Variants in SPIN2A observed in about 807,000 individuals in gnomAD.
SPIN2A encodes spindlin family member 2A.
Under a neutral mutation model 9.2 loss-of-function variants are expected in SPIN2A, and 4 were observed. That is an observed-to-expected ratio of 0.44 (90% CI 0.21 to 1.00). The LOEUF (loss-of-function observed/expected upper bound fraction) is 1.00, where lower values mean the gene tolerates loss of function less well. SPIN2A is among the 50% of genes least tolerant of loss of function. The pLI is 0.26. For synonymous variants in SPIN2A, 25 were observed against 61.2 expected, an observed-to-expected ratio of 0.41 and a Z score of 2.76; for missense variants, 77 against 172.8, an observed-to-expected ratio of 0.45 and a Z score of 3.11.
chrX:57,146,531 C>T, the SPIN2A span, among the ~76,000 whole-genome samples: 3 of 111,883 alleles, frequency 2.7e-5, no homozygotes, highest in Non-Finnish European at 5.7e-5. Context: ...TTGACTTCCT[C>T]TTTACCAATA....
chrX:57,140,848 A>G, upstream of SPIN2A, among the ~76,000 whole-genome samples: 1 of 111,488 alleles, frequency 9.0e-6, no homozygotes, highest in Non-Finnish European at 1.9e-5. Context: ...GAAGAGAGGA[A>G]TGATTGAAAA....
chrX:57,134,723 C>G (rs1293426445), downstream of SPIN2A: 1 of 111,798 alleles, frequency 8.9e-6, no homozygotes, highest in Non-Finnish European at 1.9e-5. Context: ...CTAACCCATC[C>G]TCTACCAAGA....
chrX:57,147,130 G>A, the SPIN2A span, among the ~76,000 whole-genome samples: 5 of 111,612 alleles, frequency 4.5e-5, no homozygotes, highest in South Asian at 1.9e-3. Flanking sequence ...AGTGCCAATA[G>A]GATTTGTACC....
chrX:57,136,531 C>T lies in SPIN2A; in HGVS notation c.67G>A (p.Gly23Arg). The T allele has an allele frequency of 2.3e-6, 1 of 438,774 alleles. No homozygotes were observed. The highest frequency in any genetic ancestry group is 3.6e-6 in the Non-Finnish European group (1 of 281,502). 36.2% of individuals were successfully genotyped at this position (438,774 alleles called of 1,213,427 possible). ...QTRAAAGRATGSANMTKKKVS... is the reference protein window; with the variant it reads ...QTRAAAGRATRSANMTKKKVS... The stretch of plus-strand genomic sequence containing the variant: ...TTTTTCTTTGTCATGTTTGCAGACC[C>T]AGTGGCCCGTCCTGCAGCTGCCCTG... The change falls in exon 2 of 2, where the codon GGG (glycine) becomes AGG (arginine). Residue 23 changes from glycine (G) to arginine (R), a missense_variant. Coordinates refer to ENST00000374906, the MANE Select transcript of SPIN2A (RefSeq NM_019003.5).
At chrX:57,137,563 T>C (rs1927865248), upstream of SPIN2A, 1 of 119,514 alleles carries the variant, frequency 8.4e-6, no homozygotes. Context: ...TTAGTAGTGA[T>C]GTCTTCCATT....
At chrX:57,140,887 T>G (rs1307630737), upstream of SPIN2A, among the ~76,000 whole-genome samples, 1 of 111,614 alleles carries the variant, frequency 9.0e-6, no homozygotes, top group Non-Finnish European at 1.9e-5. Flanking sequence ...TGTTAGCTAT[T>G]TGGGTGATGG....
chrX:57,136,959 C>A, intron 1 of SPIN2A: 1 of 874,426 alleles, frequency 1.1e-6, no homozygotes, highest in Non-Finnish European at 1.5e-6. Flanking sequence ...TACCCTCCTG[C>A]CCTGAGTGCC....
chrX:57,137,136 C>G (rs1286776389), intron 1 of SPIN2A, 124 bp downstream of exon 1: 20 of 764,240 alleles, frequency 2.6e-5, no homozygotes, highest in Non-Finnish European at 3.1e-5. Flanking sequence ...GCGCCCAACT[C>G]CACCCCATGT....
upstream of SPIN2A, among the ~76,000 whole-genome samples, chrX:57,139,337 G>A (rs1351316249): frequency 8.9e-6 from 1 of 111,832 alleles, no homozygotes; most frequent in Non-Finnish European, 1.9e-5. Flanking sequence ...GTGTGTTCTT[G>A]GCTCCTTTTT....
At chrX:57,144,726 A>T in the SPIN2A span, among the ~76,000 whole-genome samples, 1 of 110,284 alleles carries the variant, frequency 9.1e-6, no homozygotes, top group African/African-American at 3.3e-5. Flanking sequence ...TTCTGCCTTT[A>T]TATCCTCAGA....
At chrX:57,144,193 T>A in the SPIN2A span, among the ~76,000 whole-genome samples, 1 of 111,614 alleles carries the variant, frequency 9.0e-6, no homozygotes, top group Non-Finnish European at 1.9e-5. Context: ...GTGTCAGAGG[T>A]CCTTTACATG....
upstream of SPIN2A, among the ~76,000 whole-genome samples, chrX:57,140,265 C>A (rs1341050809): frequency 9.2e-6 from 1 of 109,255 alleles, no homozygotes; most frequent in African/African-American, 3.3e-5. Context: ...AATATAAAAT[C>A]ATATTATCTG....
chrX:57,144,626 C>A, the SPIN2A span, among the ~76,000 whole-genome samples: 2 of 109,919 alleles, frequency 1.8e-5, no homozygotes, highest in African/African-American at 3.3e-5. Context: ...ATCACCCGAG[C>A]AGTTTACACT....
At chrX:57,139,580 A>C (rs1927941571), upstream of SPIN2A, among the ~76,000 whole-genome samples, 1 of 110,849 alleles carries the variant, frequency 9.0e-6, no homozygotes, top group Admixed American at 9.6e-5. Context: ...CAGCCTCCCG[A>C]GTAGCTGGAA....
upstream of SPIN2A, among the ~76,000 whole-genome samples, chrX:57,140,598 C>CAAA (rs56693403): frequency 1.7e-5 from 1 of 58,823 alleles, no homozygotes; most frequent in East Asian, 6.0e-4. Flanking sequence ...GACCCCGTCT[C>CAAA]AAAAAAAAAA....
chrX:57,139,759 G>T (rs1446629798), upstream of SPIN2A, among the ~76,000 whole-genome samples: 1 of 111,604 alleles, frequency 9.0e-6, no homozygotes, highest in East Asian at 2.8e-4. Context: ...TGTCCCCATA[G>T]GTTTATAGTA....
chrX:57,137,199 C>T (rs1927839783), intron 1 of SPIN2A, 61 bp downstream of exon 1: 72 of 758,787 alleles, frequency 9.5e-5, no homozygotes, highest in Non-Finnish European at 1.1e-4. Context: ...CCACTAATGG[C>T]CTTGCCCTGC....
chrX:57,144,942 A>G, the SPIN2A span, among the ~76,000 whole-genome samples: 1 of 110,815 alleles, frequency 9.0e-6, no homozygotes, highest in African/African-American at 3.3e-5. Context: ...ACACACACAC[A>G]CACCACAATT....
chrX:57,146,201 T>C, the SPIN2A span, among the ~76,000 whole-genome samples: 2 of 111,079 alleles, frequency 1.8e-5, no homozygotes, highest in Non-Finnish European at 3.8e-5. Context: ...TCCATGAGGA[T>C]GGGATGTATT....
Sources: gnomAD v4.1 joint callset for allele counts (sites outside exome capture counted in the v4.1 genomes callset) on GRCh38, gnomAD v4.1.1 for gene constraint, MANE v1.5 for transcripts, NCBI Gene and HGNC (gene_info 2026-07-23, HGNC 2026-07-21) for gene names.